The following FBN1 variants were observed in gnomAD, a reference collection of about 807,000 sequenced individuals.
FBN1 encodes the protein fibrillin-1.
A neutral mutation model predicts 365.1 loss-of-function variants in FBN1; 29 were observed. The ratio of observed to expected loss-of-function variants is 0.08; its 90% CI spans 0.06 to 0.11. The LOEUF (loss-of-function observed/expected upper bound fraction) is 0.11, where lower values mean the gene tolerates loss of function less well. Among genes scored for constraint, FBN1 ranks in the 10% least tolerant of loss-of-function variants. The pLI is 1.00. For synonymous variants in FBN1, 1,210 were observed against 1,270.5 expected, an observed-to-expected ratio of 0.95 and a Z score of 1.01; for missense variants, 2,476 against 3,703.2, an observed-to-expected ratio of 0.67 and a Z score of 8.60.
intron 35 of FBN1, among the ~76,000 whole-genome samples, chr15:48,471,054 G>T (rs1457073160): frequency 1.3e-5 from 2 of 151,844 alleles, no homozygotes; most frequent in African/African-American, 2.4e-5. Context: ...AAAGTAAGAG[G>T]CAAGCAAGCC....
At position 48,465,451 on chromosome 15, in the gene FBN1, C is replaced by T; in HGVS notation, c.4942+117G>A. 8.4e-6 allele frequency: 10 copies of T among 1,187,290 alleles called. No individual in the cohort carries two copies. In the South Asian group the frequency reaches 8.9e-5, roughly 11 times the overall value. The allele number at this position is 1,187,290 out of a possible 1,614,324, so 73.5% of individuals were successfully genotyped here. ...TGAGACATATCTACCTGGCTATGTT[C>T]GTGTTTAGAACATTGTGCTACACTG... On this transcript the variant is annotated intron_variant, in intron 40 of 65. Transcript: ENST00000316623.
Position 48,445,591 on chromosome 15 carries a change from C to G in FBN1, c.5789-87G>C, listed in dbSNP as rs372588150. ...ATCAAAACTTCTAAAAGAAAAAATA[C>G]TTTTTCTGAATTTTAGTGGCCTTTG... On this transcript the variant is annotated intron_variant, in intron 47 of 65. Transcript: ENST00000316623. 11 of 1,486,208 alleles carry G rather than the reference C, an allele frequency of 7.4e-6. No homozygotes were observed. In the South Asian group the frequency reaches 1.0e-4, roughly 14 times the overall value. 92.1% of individuals were successfully genotyped at this position (1,486,208 alleles called of 1,614,324 possible).
intron 6 of FBN1, among the ~76,000 whole-genome samples, chr15:48,558,208 G>C (rs1422478309): frequency 6.6e-6 from 1 of 152,126 alleles, no homozygotes. Context: ...GTTTCCTTCA[G>C]CCATTTCCTA....
intron 9 of FBN1, among the ~76,000 whole-genome samples, chr15:48,523,717 G>T (rs539133622): frequency 2.0e-5 from 3 of 151,356 alleles, no homozygotes; most frequent in African/African-American, 2.4e-5. Flanking sequence ...GGCTGGGGGG[G>T]GGGGGGAACC....
At chr15:48,495,672 T>C (rs2043601727) in intron 20 of FBN1, 84 bp from the exon 21 acceptor site, 1 of 1,534,576 alleles carries the variant, frequency 6.5e-7, no homozygotes. Flanking sequence ...CAATTGCTAC[T>C]ACATATCCTT....
chr15:48,641,504 T>C (rs1353788969), intron 2 of FBN1: 2 of 152,182 alleles, frequency 1.3e-5, no homozygotes, highest in African/African-American at 2.4e-5. Flanking sequence ...AAGGCAGTAT[T>C]TGCTGGGGAG....
chr15:48,421,887 A>G (rs751242899), intron 61 of FBN1, 65 bp downstream of exon 61: 185 of 1,356,450 alleles, frequency 1.4e-4, no homozygotes, highest in Non-Finnish European at 1.9e-4. Context: ...CAGCAGAGGA[A>G]ATAGAAAATA....
At chr15:48,613,918 ACT>A (rs770573346) in intron 2 of FBN1, among the ~76,000 whole-genome samples, 70 of 152,206 alleles carry the variant, frequency 4.6e-4, no homozygotes, top group Admixed American at 1.2e-3. Context: ...ACAGAGTGAG[ACT>A]CTGTCTCCAA....
At chr15:48,609,101 TC>T (rs2044637067) in intron 4 of FBN1, among the ~76,000 whole-genome samples, 1 of 152,236 alleles carries the variant, frequency 6.6e-6, no homozygotes, top group Admixed American at 6.5e-5. Flanking sequence ...AGCCTGGAAG[TC>T]ACCCTTATAG....
rs147283689 is a variant in FBN1, at chr15:48,552,301, C to A, written c.539-14493G>T. Among the ~76,000 whole-genome samples, 385 of 145,890 alleles carry A rather than the reference C, an allele frequency of 2.6e-3. 2 individuals carry two copies. The highest frequency in any genetic ancestry group is 9.4e-3 in the African/African-American group (372 of 39,778). ...CTTTTTTTTTTTTTTGAGACAGAAT[C>A]TCATTGTGTCGCCCTAGCTAGAGTT... On this transcript the variant is annotated intron_variant, in intron 6 of 65. Transcript: ENST00000316623.
At chr15:48,586,760 T>C (rs2044438622) in intron 6 of FBN1, among the ~76,000 whole-genome samples, 2 of 152,190 alleles carry the variant, frequency 1.3e-5, no homozygotes, top group Admixed American at 6.5e-5. Context: ...TAGGCAAATA[T>C]TTATCTTTAA....
rs181893133 is a variant in FBN1 at position 48,482,597 on chromosome 15, A to T, written c.3839-817T>A. ...GCACTGTCCTTGAGTTGAGGAGATGAATCTGGGCATCCTGGAAGGCTGAGG... is the reference window on the plus strand; with the variant it reads ...GCACTGTCCTTGAGTTGAGGAGATGTATCTGGGCATCCTGGAAGGCTGAGG... On this transcript the variant is annotated intron_variant, in intron 31 of 65. Transcript: ENST00000316623. Among the ~76,000 whole-genome samples, 7 of 152,280 alleles carry T rather than the reference A, an allele frequency of 4.6e-5. No homozygotes were observed. In the East Asian group the frequency reaches 1.4e-3, roughly 29 times the overall value.
In FBN1 at chr15:48,488,486, A is replaced by G; in HGVS notation, c.3090T>C (p.Asn1030=). 1 of 1,613,886 alleles carries G rather than the reference A, an allele frequency of 6.2e-7. No individual in the cohort carries two copies. Among genetic ancestry groups the G allele is most frequent in the East Asian group, 2.2e-5 (1 of 44,882 alleles). ...TNGKPFFKDI[N]ECKMIPSLCT... is the part of the protein sequence containing the mutation. The stretch of plus-strand genomic sequence containing the variant: ...AGAGGCTGGGTATCATCTTGCACTC[A>G]TTGATATCTTCAAGAATAAGAAAAT... Residue 1030 remains asparagine (N), a synonymous_variant, in exon 26 of 66, where the codon AAT becomes AAC. Coordinates refer to ENST00000316623, the MANE Select transcript of FBN1 (RefSeq NM_000138.5).
At position 48,465,616 on chromosome 15, in the gene FBN1, G is replaced by T; in HGVS notation, c.4894C>A (p.Arg1632Ser). The T allele has an allele frequency of 6.2e-7, 1 of 1,614,076 alleles. No individual in the cohort carries two copies. The highest frequency in any genetic ancestry group is 1.1e-5 in the South Asian group (1 of 91,076). The change falls in exon 40 of 66, where the codon CGC becomes AGC. Residue 1632 changes from arginine to serine, a missense_variant. Physicochemically the swap from Arg to Ser is moderately radical, Grantham distance 110 (BLOSUM62 -1). Transcript: ENST00000316623. ...CINTFGSFQC[R>S]CPTGYYLNED... ...TTCAGGTAGTAGCCGGTTGGACAGC[G>T]GCACTGGAAACTCCCAAAGGTGTTG... is the stretch of plus-strand genomic sequence containing the variant.
At chr15:48,414,496 A>G (rs61225082) in intron 64 of FBN1, among the ~76,000 whole-genome samples, 4,135 of 152,288 alleles carry the variant, frequency 0.027, 90 homozygotes, top group East Asian at 0.078. Context: ...TCCTCTCAGG[A>G]TAGCTAAAAC....
At chr15:48,444,391 C>T (rs2043137987) in intron 49 of FBN1, 150 bp downstream of exon 49, 1 of 898,882 alleles carries the variant, frequency 1.1e-6, no homozygotes, top group Non-Finnish European at 1.8e-6. Flanking sequence ...CTTGTCTTGC[C>T]AGAAGGATGA....
chr15:48,486,429 C>A (rs1382782278), intron 29 of FBN1, among the ~76,000 whole-genome samples: 3 of 152,128 alleles, frequency 2.0e-5, no homozygotes, highest in East Asian at 1.9e-4. Flanking sequence ...TGACTCGGGG[C>A]ACAATAAAGC....
chr15:48,427,393 C>T (rs1370847234), intron 58 of FBN1, among the ~76,000 whole-genome samples, 174 bp downstream of exon 58: 1 of 152,228 alleles, frequency 6.6e-6, no homozygotes, highest in African/African-American at 2.4e-5. Flanking sequence ...ACCAAGGCCA[C>T]TTTGGCAGCA....
intron 6 of FBN1, among the ~76,000 whole-genome samples, chr15:48,592,980 C>A (rs1241689099): frequency 6.6e-6 from 1 of 152,118 alleles, no homozygotes; most frequent in Non-Finnish European, 1.5e-5. Context: ...TTGCTACCTG[C>A]CCACTGGGGA....
Sources: gnomAD v4.1 joint callset for allele counts (sites outside exome capture counted in the v4.1 genomes callset) on GRCh38, gnomAD v4.1.1 for gene constraint, MANE v1.5 for transcripts, NCBI Gene and HGNC (gene_info 2026-07-23, HGNC 2026-07-21) for gene names.